The following MINAR1 variants were observed in gnomAD, a reference collection of about 807,000 sequenced individuals.
MINAR1 encodes membrane integral NOTCH2 associated receptor 1.
A neutral mutation model predicts 65.1 loss-of-function variants in MINAR1; 40 were observed. The ratio of observed to expected loss-of-function variants is 0.61; its 90% CI spans 0.48 to 0.80. The LOEUF (loss-of-function observed/expected upper bound fraction) is 0.80. Among genes scored for constraint, MINAR1 ranks in the 30% least tolerant of loss-of-function variants. MINAR1 has a pLI of 0.00. For missense variants in MINAR1, 1,128 were observed against 1,148.0 expected (o/e 0.98, Z 0.25); for synonymous variants, 482 against 449.1 (o/e 1.07, Z -0.93).
chr15:79,442,041 GT>G (rs1273693431), intron 1 of MINAR1, among the ~76,000 whole-genome samples: 4 of 137,510 alleles, frequency 2.9e-5, no homozygotes, highest in African/African-American at 7.9e-5. Flanking sequence ...TTTTTTCAAG[GT>G]TTTTTTACTT....
intron 1 of MINAR1, among the ~76,000 whole-genome samples, chr15:79,436,518 G>T (rs1043121152): frequency 1.3e-5 from 2 of 152,202 alleles, no homozygotes; most frequent in African/African-American, 4.8e-5. Flanking sequence ...TGTGTTCAGT[G>T]ATTGGACAGA....
intron 1 of MINAR1, among the ~76,000 whole-genome samples, chr15:79,440,400 A>G (rs986547896): frequency 2.0e-5 from 3 of 152,162 alleles, no homozygotes; most frequent in African/African-American, 7.2e-5. Flanking sequence ...CCATCCTTAA[A>G]TACTCGAAGA....
At chr15:79,413,484 A>C in the MINAR1 span, 1 of 152,250 alleles carries the variant, frequency 6.6e-6, no homozygotes, top group Non-Finnish European at 1.5e-5. Context: ...CCTTCAGTGA[A>C]ATTCTTGACT....
Position 79,457,785 on chromosome 15 carries a change from A to G in MINAR1, c.1638A>G (p.Gly546=), listed in dbSNP as rs2902954. 0.32 allele frequency: 519,065 copies of G among 1,613,742 alleles called. 86,775 individuals carry two copies. Among genetic ancestry groups the G allele is most frequent in the East Asian group, 0.56 (25,174 of 44,854 alleles). Residue 546 remains glycine (G), a synonymous_variant, in exon 2 of 4, where the codon GGA becomes GGG. Transcript: ENST00000305428. ...VIQSSCYNST[G]SLSQLHKSDC... Reference sequence around the variant, plus strand: ...AGTCGTCCTGCTACAACAGCACAGGATCCTTGTCTCAGCTCCATAAGTCAG... The same window carrying G: ...AGTCGTCCTGCTACAACAGCACAGGGTCCTTGTCTCAGCTCCATAAGTCAG...
chr15:79,411,762 TA>T, the MINAR1 span: 3,979 of 435,884 alleles, frequency 9.1e-3, 151 homozygotes, highest in East Asian at 0.078. Flanking sequence ...GGAGAAGTGG[TA>T]GGGGCAGCAC....
At position 79,456,888 on chromosome 15, in the gene MINAR1, A is replaced by G. The variant is rs775453938; in HGVS notation, c.741A>G (p.Pro247=). The G allele has an allele frequency of 6.2e-7, 1 of 1,614,194 alleles. No individual in the cohort carries two copies. The highest frequency in any genetic ancestry group is 8.5e-7 in the Non-Finnish European group (1 of 1,180,038). ...AGACCTTCATTTCCAATGAGGAGCC[A>G]TTTGTGGTCCAGTCCTGTGTCCAGA... The part of the protein sequence containing the change: ...IKETFISNEE[P]FVVQSCVQKR... The change falls in exon 2 of 4, where the codon CCA becomes CCG. Residue 247 remains proline (P), a synonymous_variant. Coordinates refer to ENST00000305428, the MANE Select transcript of MINAR1 (RefSeq NM_015206.3).
intron 2 of MINAR1, among the ~76,000 whole-genome samples, chr15:79,462,533 G>GCTTTCTGACTCAGCT (rs1392007646): frequency 6.6e-6 from 1 of 152,162 alleles, no homozygotes; most frequent in East Asian, 1.9e-4. Flanking sequence ...CCCAACATGT[G>GCTTTCTGACTCAGCT]CTTTCTGACT....
chr15:79,441,215 G>T (rs1301381987), intron 1 of MINAR1, among the ~76,000 whole-genome samples: 4 of 151,586 alleles, frequency 2.6e-5, no homozygotes. Flanking sequence ...AAATAAAACA[G>T]CCCTGAAATG....
intron 2 of MINAR1, among the ~76,000 whole-genome samples, chr15:79,460,975 G>GATCCTCCAC (rs2141300215): frequency 6.6e-6 from 1 of 152,208 alleles, no homozygotes; most frequent in African/African-American, 2.4e-5. Flanking sequence ...AAGACTCTCT[G>GATCCTCCAC]GTCCACCTCC....
intron 1 of MINAR1, among the ~76,000 whole-genome samples, chr15:79,453,204 C>A (rs1567055877): frequency 6.6e-6 from 1 of 152,056 alleles, no homozygotes; most frequent in African/African-American, 2.4e-5. Flanking sequence ...AAGGCCTCAG[C>A]ACATAGTAGG....
upstream of MINAR1, among the ~76,000 whole-genome samples, chr15:79,428,207 TTC>T (rs1431700798): frequency 1.9e-5 from 2 of 107,084 alleles, no homozygotes; most frequent in Non-Finnish European, 3.6e-5. Context: ...TCTTCTTCCC[TTC>T]TTTCCTTCCT....
chr15:79,458,770 A>G (rs1481053044), intron 2 of MINAR1, among the ~76,000 whole-genome samples: 8 of 152,240 alleles, frequency 5.3e-5, no homozygotes, highest in African/African-American at 1.4e-4. Flanking sequence ...AAGCATCACC[A>G]AGGATATCTT....
chr15:79,457,884 C>A lies in MINAR1; in HGVS notation c.1737C>A (p.Gly579=). ...TCCCCAACAGCAAGGGAGACAAGGG[C>A]AACCGGCCTGAAAACACCCACCACT... ...NGVPNSKGDK[G]NRPENTHHSE... The change falls in exon 2 of 4, where the codon GGC becomes GGA. Residue 579 remains glycine, a synonymous_variant. Coordinates refer to ENST00000305428, the MANE Select transcript of MINAR1 (RefSeq NM_015206.3). The A allele has an allele frequency of 1.2e-6, 2 of 1,614,118 alleles. No homozygotes were observed. The highest frequency in any genetic ancestry group is 1.7e-6 in the Non-Finnish European group (2 of 1,180,038).
upstream of MINAR1, among the ~76,000 whole-genome samples, chr15:79,428,358 C>CTTT (rs1320997012): frequency 2.5e-4 from 11 of 44,164 alleles, no homozygotes; most frequent in African/African-American, 1.4e-3. Flanking sequence ...TCCTTGCCTC[C>CTTT]TTTTCTTCTT....
At position 79,457,235 on chromosome 15, in the gene MINAR1, C is replaced by G. The variant is rs1486080114; in HGVS notation, c.1088C>G (p.Pro363Arg). ...CTAGGGAAGCCCAACAAGCAGACTC[C>G]CTGGCCAGCCAAAAGCTGGAGCCTA... is the stretch of plus-strand genomic sequence containing the variant. ...RCLGKPNKQT[P>R]WPAKSWSLNT... is the part of the protein sequence containing the mutation. Residue 363 changes from proline to arginine, a missense_variant, in exon 2 of 4, where the codon CCC (proline) becomes CGC (arginine). By Grantham distance (103) the Pro-to-Arg change is moderately radical. Coordinates refer to ENST00000305428, the MANE Select transcript of MINAR1 (RefSeq NM_015206.3). The G allele has an allele frequency of 6.2e-7, 1 of 1,614,130 alleles. No homozygotes were observed. Among genetic ancestry groups the G allele is most frequent in the East Asian group, 2.2e-5 (1 of 44,876 alleles).
chr15:79,416,293 T>C, the MINAR1 span: 1 of 152,250 alleles, frequency 6.6e-6, no homozygotes, highest in Non-Finnish European at 1.5e-5. Context: ...CTTAAAGTTA[T>C]CAGTTCAGCC....
At chr15:79,462,232 G>A (rs939792819) in intron 2 of MINAR1, among the ~76,000 whole-genome samples, 2 of 152,126 alleles carry the variant, frequency 1.3e-5, no homozygotes, top group African/African-American at 4.8e-5. Flanking sequence ...GTTTAGCAGA[G>A]GAGCCAGATG....
the MINAR1 span, chr15:79,421,507 C>CT: frequency 2.0e-5 from 3 of 152,284 alleles, no homozygotes; most frequent in African/African-American, 7.2e-5. Context: ...GAAGGTGTCC[C>CT]TGAGGTGGGC....
At chr15:79,458,692 G>A (rs1431625132) in intron 2 of MINAR1, among the ~76,000 whole-genome samples, 3 of 152,212 alleles carry the variant, frequency 2.0e-5, no homozygotes, top group African/African-American at 4.8e-5. Flanking sequence ...AGAACGTAGG[G>A]TTGGGATTCA....
Sources: allele counts gnomAD v4.1 joint callset (sites outside exome capture counted in the v4.1 genomes callset), GRCh38; gene constraint gnomAD v4.1.1; transcripts MANE v1.5; gene names NCBI Gene and HGNC (gene_info 2026-07-23, HGNC 2026-07-21).